DLG2: variants seen among roughly 807,000 people sequenced by gnomAD.
The protein encoded by DLG2 is discs large MAGUK scaffold protein 2.
A neutral mutation model predicts 132.5 loss-of-function variants in DLG2; 45 were observed. The observed-to-expected ratio is 0.34, with a 90% CI of 0.27 to 0.44. DLG2 has a LOEUF of 0.44. Among genes scored for constraint, DLG2 ranks in the 20% least tolerant of loss-of-function variants. The pLI, the probability that DLG2 is intolerant of heterozygous loss-of-function variation, is 1.00. For missense variants in DLG2, 1,045 were observed against 1,196.9 expected (o/e 0.87, Z 1.87); for synonymous variants, 424 against 419.6 (o/e 1.01, Z -0.13).
chr11:83,881,146 G>C (rs1326801245), intron 15 of DLG2, among the ~76,000 whole-genome samples: 1 of 152,178 alleles, frequency 6.6e-6, no homozygotes, highest in East Asian at 1.9e-4. Context: ...GTTCAGATCA[G>C]GGAAGAGTGC....
intron 6 of DLG2, among the ~76,000 whole-genome samples, chr11:84,668,279 A>T (rs889299398): frequency 1.3e-5 from 2 of 152,116 alleles, no homozygotes; most frequent in Admixed American, 6.5e-5. Context: ...TCTACTAAAA[A>T]AGTTGCTGAA....
At position 83,962,392 on chromosome 11, in the gene DLG2, T is replaced by C. The variant is rs554965104; in HGVS notation, c.1340+493A>G. Among the ~76,000 whole-genome samples the C allele has an allele frequency of 2.6e-3, 391 of 152,080 alleles. 25 individuals carry two copies. The South Asian group carries it at 0.071, about 28-fold the overall frequency. ...TGGGACAGGTCACTCTGGAGGGAGT[T>C]TGGGGGAAATTTTTGTTCCTTGATC... On this transcript the variant is annotated intron_variant, in intron 14 of 27. Transcript: ENST00000376104.
intron 3 of DLG2, among the ~76,000 whole-genome samples, chr11:85,434,233 A>T (rs1187754507): frequency 1.3e-5 from 2 of 152,172 alleles, no homozygotes; most frequent in African/African-American, 4.8e-5. Context: ...AAGATCTCAA[A>T]TCGACACCCT....
intron 6 of DLG2, among the ~76,000 whole-genome samples, chr11:84,897,948 A>T (rs919928354): frequency 1.3e-5 from 2 of 151,898 alleles, no homozygotes; most frequent in African/African-American, 4.8e-5. Flanking sequence ...TATAAAAAAG[A>T]CTGAAGTCTA....
chr11:85,146,881 C>A (rs1443594058), intron 5 of DLG2, among the ~76,000 whole-genome samples: 1 of 152,204 alleles, frequency 6.6e-6, no homozygotes, highest in Non-Finnish European at 1.5e-5. Flanking sequence ...GGTGGAGCTA[C>A]CCCAAACTCA....
chr11:84,742,975 TTC>T (rs1207126262), intron 6 of DLG2, among the ~76,000 whole-genome samples: 3 of 152,188 alleles, frequency 2.0e-5, no homozygotes, highest in Non-Finnish European at 4.4e-5. Flanking sequence ...TGTAATTTTT[TTC>T]TTTCAAAAAA....
intron 9 of DLG2, among the ~76,000 whole-genome samples, chr11:84,099,525 T>G (rs942466834): frequency 6.6e-6 from 1 of 151,962 alleles, no homozygotes; most frequent in Non-Finnish European, 1.5e-5. Context: ...AATGTGTTTC[T>G]AAGTAAAGAA....
Position 83,491,227 on chromosome 11 carries a change from C to G in DLG2, c.2194-6999G>C, listed in dbSNP as rs1367982. Reference sequence around the variant, plus strand: ...ACTCGCATGAAGCACAAGGGGCTACCTGTACCTAGAAATAAGAAAAAGAAG... The same window carrying G: ...ACTCGCATGAAGCACAAGGGGCTACGTGTACCTAGAAATAAGAAAAAGAAG... On this transcript the variant is annotated intron_variant, in intron 21 of 27. Coordinates refer to ENST00000376104, the MANE Select transcript of DLG2 (RefSeq NM_001142699.3). Among the ~76,000 whole-genome samples, 4 of 150,350 alleles carry G rather than the reference C, an allele frequency of 2.7e-5. No individual in the cohort carries two copies. In the East Asian group the frequency reaches 7.8e-4, roughly 29 times the overall value.
chr11:84,676,758 T>C (rs2099712265), intron 6 of DLG2, among the ~76,000 whole-genome samples: 1 of 152,086 alleles, frequency 6.6e-6, no homozygotes, highest in Non-Finnish European at 1.5e-5. Context: ...ATATAATATA[T>C]TGATTAGCAA....
At chr11:84,262,775 AT>A (rs2097564088) in intron 7 of DLG2, among the ~76,000 whole-genome samples, 1 of 152,078 alleles carries the variant, frequency 6.6e-6, no homozygotes, top group African/African-American at 2.4e-5. Flanking sequence ...AGAACATACA[AT>A]GTTTGGTTTT....
At chr11:85,496,949 G>A (rs1406634189) in intron 3 of DLG2, among the ~76,000 whole-genome samples, 1 of 152,162 alleles carries the variant, frequency 6.6e-6, no homozygotes, top group Non-Finnish European at 1.5e-5. Context: ...ACCAAAGCTA[G>A]ATAAAACCAC....
chr11:85,525,204 G>A (rs985084688), intron 3 of DLG2, among the ~76,000 whole-genome samples: 1 of 152,170 alleles, frequency 6.6e-6, no homozygotes, highest in Non-Finnish European at 1.5e-5. Flanking sequence ...TGCAGAGGAA[G>A]CATTTGAAAA....
At chr11:84,380,893 T>C (rs944307628) in intron 7 of DLG2, among the ~76,000 whole-genome samples, 1 of 152,012 alleles carries the variant, frequency 6.6e-6, no homozygotes, top group Admixed American at 6.6e-5. Context: ...TATCATATGC[T>C]ACATAAATGG....
intron 18 of DLG2, among the ~76,000 whole-genome samples, chr11:83,745,133 C>T (rs2092811019): frequency 6.6e-6 from 1 of 152,184 alleles, no homozygotes; most frequent in South Asian, 2.1e-4. Context: ...TCTGCTCATC[C>T]TGAGGTTCTT....
At chr11:84,970,083 G>A (rs76746249) in intron 6 of DLG2, among the ~76,000 whole-genome samples, 1 of 152,004 alleles carries the variant, frequency 6.6e-6, no homozygotes, top group Non-Finnish European at 1.5e-5. Flanking sequence ...AGCTTGATGG[G>A]TGCAGCAAAC....
Position 84,904,019 on chromosome 11 carries a change from G to T in DLG2, c.357+207642C>A, listed in dbSNP as rs1275198982. Among the ~76,000 whole-genome samples the T allele has an allele frequency of 2.6e-5, 4 of 152,110 alleles. No individual in the cohort carries two copies. In the East Asian group the frequency reaches 7.7e-4, roughly 29 times the overall value. ...GGCTTATGCAATGTTCAACATTATTGAGAACGTAAGAAGTGAATCAACACT... is the reference window on the plus strand; with the variant it reads ...GGCTTATGCAATGTTCAACATTATTTAGAACGTAAGAAGTGAATCAACACT... On this transcript the variant is annotated intron_variant, in intron 6 of 27. Coordinates refer to ENST00000376104, the MANE Select transcript of DLG2 (RefSeq NM_001142699.3).
At chr11:83,929,739 A>G (rs2079789089) in intron 15 of DLG2, among the ~76,000 whole-genome samples, 1 of 152,190 alleles carries the variant, frequency 6.6e-6, no homozygotes, top group Admixed American at 6.5e-5. Context: ...ATATATATAT[A>G]TGTACATACA....
At chr11:84,988,688 G>A (rs182392082) in intron 6 of DLG2, among the ~76,000 whole-genome samples, 5 of 152,278 alleles carry the variant, frequency 3.3e-5, no homozygotes, top group African/African-American at 1.2e-4. Context: ...AAAGGCATAA[G>A]AATGACACAA....
chr11:84,890,217 T>A (rs2089121516), intron 6 of DLG2, among the ~76,000 whole-genome samples: 1 of 152,180 alleles, frequency 6.6e-6, no homozygotes, highest in African/African-American at 2.4e-5. Flanking sequence ...TTTTTAGTAC[T>A]TTTTGGATAT....
Sources: gnomAD v4.1 joint callset for allele counts (sites outside exome capture counted in the v4.1 genomes callset) on GRCh38, gnomAD v4.1.1 for gene constraint, MANE v1.5 for transcripts, NCBI Gene and HGNC (gene_info 2026-07-23, HGNC 2026-07-21) for gene names.